EVA1A: variants seen among roughly 807,000 people sequenced by gnomAD.
EVA1A encodes protein eva-1 homolog A.
A neutral mutation model predicts 9.8 loss-of-function variants in EVA1A; 7 were observed. The ratio of observed to expected loss-of-function variants is 0.71; its 90% confidence interval spans 0.41 to 1.34. EVA1A has a LOEUF of 1.34. Ranked by LOEUF, EVA1A falls within the 40% of genes most tolerant of loss-of-function variation. The pLI is 0.01. For missense variants in EVA1A, 206 were observed against 205.9 expected, an observed-to-expected ratio of 1.00 and a Z score of 0.00; for synonymous variants, 90 against 85.6, an observed-to-expected ratio of 1.05 and a Z score of -0.28.
At chr2:75,497,967 C>G (rs2103775075) in intron 3 of EVA1A, among the ~76,000 whole-genome samples, 1 of 151,810 alleles carries the variant, frequency 6.6e-6, no homozygotes, top group East Asian at 1.9e-4. Context: ...AGCAATCCCA[C>G]TACTGGGTGT....
At chr2:75,510,471 C>T (rs780595501) in intron 3 of EVA1A, among the ~76,000 whole-genome samples, 10 of 152,076 alleles carry the variant, frequency 6.6e-5, no homozygotes, top group Non-Finnish European at 1.2e-4. Context: ...TGCCCAAATT[C>T]GTGACTATCA....
At chr2:75,534,554 A>T (rs1675807774) in intron 1 of EVA1A, among the ~76,000 whole-genome samples, 2 of 152,168 alleles carry the variant, frequency 1.3e-5, no homozygotes, top group Non-Finnish European at 2.9e-5. Context: ...ACAAAAGACA[A>T]AATGGCAAAC....
intron 1 of EVA1A, among the ~76,000 whole-genome samples, chr2:75,550,412 C>T (rs138769008): frequency 7.2e-5 from 11 of 152,258 alleles, no homozygotes; most frequent in South Asian, 2.1e-4. Context: ...TGGTCTAGGT[C>T]CTCTTCCTTC....
chr2:75,530,645 C>T (rs1173701922), intron 1 of EVA1A, among the ~76,000 whole-genome samples: 1 of 152,080 alleles, frequency 6.6e-6, no homozygotes, highest in Admixed American at 6.5e-5. Context: ...GAATTAAAAA[C>T]AGAAATTATA....
chr2:75,500,221 T>G (rs997262494), intron 3 of EVA1A, among the ~76,000 whole-genome samples: 2 of 152,224 alleles, frequency 1.3e-5, no homozygotes, highest in Admixed American at 6.5e-5. Flanking sequence ...CTTTTCCAAG[T>G]AAGTTTCCAA....
At chr2:75,543,792 G>A (rs1449190853) in intron 1 of EVA1A, among the ~76,000 whole-genome samples, 4 of 152,098 alleles carry the variant, frequency 2.6e-5, no homozygotes, top group South Asian at 2.1e-4. Flanking sequence ...TGAGCTCCCC[G>A]GAGGTGAAAG....
At chr2:75,555,336 T>TCCCTCTCTCTCTCTCTCTCTCTCTCTCC (rs1676672338) in intron 1 of EVA1A, among the ~76,000 whole-genome samples, 1 of 102,744 alleles carries the variant, frequency 9.7e-6, no homozygotes, top group Non-Finnish European at 2.2e-5. Context: ...TCTCTCTCTC[T>TCCCTCTCTCTCTCTCTCTCTCTCTCTCC]CCCCCATCTC....
chr2:75,544,158 T>C (rs1399312961), intron 1 of EVA1A, among the ~76,000 whole-genome samples: 6 of 152,182 alleles, frequency 3.9e-5, no homozygotes. Flanking sequence ...GGGAAAGCTG[T>C]AGTTCCAAAA....
intron 3 of EVA1A, among the ~76,000 whole-genome samples, chr2:75,505,807 C>T (rs1664306665): frequency 6.7e-6 from 1 of 150,258 alleles, no homozygotes; most frequent in African/African-American, 2.4e-5. Flanking sequence ...GAGACTCTGT[C>T]TCAGAAAAAA....
At chr2:75,533,238 G>A (rs1419677984) in intron 1 of EVA1A, among the ~76,000 whole-genome samples, 11 of 151,658 alleles carry the variant, frequency 7.3e-5, no homozygotes, top group Non-Finnish European at 1.6e-4. Context: ...GAAAAACGGC[G>A]TCCTAGCTAT....
intron 2 of EVA1A, chr2:75,518,506 G>T: frequency 9.5e-6 from 7 of 733,130 alleles, no homozygotes; most frequent in Non-Finnish European, 1.0e-5. Flanking sequence ...AAAGATTTGG[G>T]GTCTTGTGCT....
In EVA1A at chr2:75,492,825, T is replaced by A. The variant is rs979798877; in HGVS notation, c.*411A>T. The A allele has an allele frequency of 2.4e-5, 4 of 167,460 alleles. No homozygotes were observed. Among genetic ancestry groups the A allele is most frequent in the African/African-American group, 7.1e-5 (3 of 41,962 alleles). 10.4% of individuals were successfully genotyped at this position (167,460 alleles called of 1,614,324 possible). A position where few individuals can be genotyped will look rare whatever the true frequency, so the allele number is the denominator to read the frequency against. On this transcript the variant is annotated 3_prime_UTR_variant, in exon 4 of 4. Coordinates refer to ENST00000393913, the MANE Select transcript of EVA1A (RefSeq NM_001135032.2). ...CCATAGCATGAAGTCATTTAGGAAA[T>A]TGCATTTATTGGGTTAAGTTCACCC...
chr2:75,551,240 T>C (rs1364151000), intron 1 of EVA1A, among the ~76,000 whole-genome samples: 1 of 152,216 alleles, frequency 6.6e-6, no homozygotes, highest in African/African-American at 2.4e-5. Context: ...GTTACTTTCA[T>C]AGACAAGCCT....
At chr2:75,507,850 C>T (rs1172369713) in intron 3 of EVA1A, among the ~76,000 whole-genome samples, 1 of 152,158 alleles carries the variant, frequency 6.6e-6, no homozygotes, top group Non-Finnish European at 1.5e-5. Flanking sequence ...GTAAGTGTTC[C>T]CTAAGAGGAC....
intron 1 of EVA1A, among the ~76,000 whole-genome samples, chr2:75,548,641 T>C (rs1379081073): frequency 6.6e-6 from 1 of 152,044 alleles, no homozygotes; most frequent in East Asian, 1.9e-4. Flanking sequence ...TTCCTTAGAG[T>C]TCCCTTAGCA....
At chr2:75,505,720 A>G (rs1230401276) in intron 3 of EVA1A, among the ~76,000 whole-genome samples, 1 of 152,104 alleles carries the variant, frequency 6.6e-6, no homozygotes, top group East Asian at 1.9e-4. Flanking sequence ...AGGCTGAGGC[A>G]GAAGAGTCAC....
Position 75,551,121 on chromosome 2 carries a change from A to AAAAACAAAACAAAAC in EVA1A, c.-192+9544_-192+9558dup, listed in dbSNP as rs201685486. Among the ~76,000 whole-genome samples the AAAAACAAAACAAAAC allele has an allele frequency of 2.0e-5, 3 of 152,122 alleles. No homozygotes were observed. In the South Asian group the frequency reaches 6.2e-4, roughly 32 times the overall value. On this transcript the variant is annotated intron_variant, in intron 1 of 3. Coordinates refer to ENST00000393913, the MANE Select transcript of EVA1A (RefSeq NM_001135032.2). Reference sequence around the variant, plus strand: ...TGGGCGACAGAGCAAGACTCTGCTCAAAAACAAAACAAAACAAAACAAAAA... The same window carrying AAAAACAAAACAAAAC: ...TGGGCGACAGAGCAAGACTCTGCTCAAAAACAAAACAAAACAAAACAAAACAAAACAAAACAAAAA...
At chr2:75,560,120 G>C (rs1433935858) in intron 1 of EVA1A, among the ~76,000 whole-genome samples, 1 of 152,086 alleles carries the variant, frequency 6.6e-6, no homozygotes, top group Non-Finnish European at 1.5e-5. Context: ...CTCTCCAAAA[G>C]CAAAGCGTCC....
At chr2:75,501,075 C>T (rs1004074561) in intron 3 of EVA1A, among the ~76,000 whole-genome samples, 19 of 151,834 alleles carry the variant, frequency 1.3e-4, no homozygotes, top group African/African-American at 4.1e-4. Flanking sequence ...TGGTTCCAAT[C>T]TCCCTTTCAA....
Sources: allele counts gnomAD v4.1 joint callset (sites outside exome capture counted in the v4.1 genomes callset), GRCh38; gene constraint gnomAD v4.1.1; transcripts MANE v1.5; gene names NCBI Gene and HGNC (gene_info 2026-07-23, HGNC 2026-07-21).